The following ADAMTS18 variants were observed in gnomAD, a reference collection of about 807,000 sequenced individuals.
ADAMTS18 encodes the protein A disintegrin and metalloproteinase with thrombospondin motifs 18.
In ADAMTS18, 157 loss-of-function variants were observed where a neutral mutation model predicts 165.9. That is an observed-to-expected ratio of 0.95 (90% CI 0.83 to 1.08). ADAMTS18 has a LOEUF of 1.08. ADAMTS18 is among the 50% of genes least tolerant of loss of function. ADAMTS18 has a pLI of 0.00. For missense variants in ADAMTS18, 2,040 were observed against 1,534.0 expected, an observed-to-expected ratio of 1.33 and a Z score of -5.51; for synonymous variants, 782 against 578.2, an observed-to-expected ratio of 1.35 and a Z score of -5.06.
intron 16 of ADAMTS18, among the ~76,000 whole-genome samples, chr16:77,307,905 A>G (rs2055709992): frequency 6.6e-6 from 1 of 152,270 alleles, no homozygotes; most frequent in South Asian, 2.1e-4. Flanking sequence ...TCACACTGTC[A>G]TCTCATTGAT....
intron 18 of ADAMTS18, among the ~76,000 whole-genome samples, chr16:77,295,653 G>C (rs991221262): frequency 3.3e-5 from 5 of 152,102 alleles, no homozygotes; most frequent in African/African-American, 1.2e-4. Flanking sequence ...CAGGAGAGAG[G>C]GGTACATTTA....
intron 7 of ADAMTS18, among the ~76,000 whole-genome samples, chr16:77,361,641 T>G (rs2056714773): frequency 6.6e-6 from 1 of 152,214 alleles, no homozygotes; most frequent in African/African-American, 2.4e-5. Context: ...CCCAGGACTT[T>G]GGGAGACCAA....
rs145895194 is a variant in ADAMTS18 at position 77,351,367 on chromosome 16, G to C, written c.1614+2366C>G. ...CTCTGCTTCCCATGAAAGACCATCA[G>C]AATGAGAAGCTGTCTTTTAAAAATA... is the stretch of plus-strand genomic sequence containing the variant. On this transcript the variant is annotated intron_variant, in intron 10 of 22. Coordinates refer to ENST00000282849, the MANE Select transcript of ADAMTS18 (RefSeq NM_199355.4). Among the ~76,000 whole-genome samples, 246 of 152,234 alleles carry C rather than the reference G, an allele frequency of 1.6e-3. 1 individual carries two copies. The highest frequency in any genetic ancestry group is 5.5e-3 in the African/African-American group (230 of 41,540).
intron 7 of ADAMTS18, among the ~76,000 whole-genome samples, chr16:77,361,681 C>T (rs1049983709): frequency 7.9e-5 from 12 of 152,212 alleles, no homozygotes; most frequent in African/African-American, 2.6e-4. Flanking sequence ...GTCAGGAGTT[C>T]GAGACCAGCC....
rs116204871 is a variant in ADAMTS18, at chr16:77,293,846, G to A, written c.3007-588C>T. Among the ~76,000 whole-genome samples, 1,435 of 151,042 alleles carry A rather than the reference G, an allele frequency of 9.5e-3. 22 individuals are homozygous for A. Among genetic ancestry groups the A allele is most frequent in the African/African-American group, 0.033 (1,340 of 41,068 alleles). ...CGCTGCCACTGATTTGACAGGAGGTGGAGTTTAGTCTGTGATGCTGGCCTG... is the reference window on the plus strand; with the variant it reads ...CGCTGCCACTGATTTGACAGGAGGTAGAGTTTAGTCTGTGATGCTGGCCTG... On this transcript the variant is annotated intron_variant, in intron 19 of 22. Coordinates refer to ENST00000282849, the MANE Select transcript of ADAMTS18 (RefSeq NM_199355.4).
chr16:77,327,431 G>A (rs1567485372), intron 12 of ADAMTS18, among the ~76,000 whole-genome samples: 1 of 152,092 alleles, frequency 6.6e-6, no homozygotes. Flanking sequence ...AACATACAAT[G>A]TTTGGTTTTC....
Position 77,293,256 on chromosome 16 carries a change from A to G in ADAMTS18, c.3009T>C (p.Cys1003=). 6.2e-7 allele frequency: 1 copy of G among 1,613,706 alleles called. No homozygotes were observed. Among genetic ancestry groups the G allele is most frequent in the Non-Finnish European group, 8.5e-7 (1 of 1,179,892 alleles). The change falls in exon 20 of 23, where the codon TGT becomes TGC. Residue 1003 remains cysteine (C), a splice_region_variant and synonymous_variant. Transcript: ENST00000282849. ...TCACCCCTCGTCCACAGGTCTTGGA[A>G]CACTTGAGAAGACAAAAAAGTTCTA... ...PQWSLGPWSQ[C]SKTCGRGVRK... is the part of the protein sequence containing the mutation.
rs2057742288 is a variant in ADAMTS18 at position 77,431,629 on chromosome 16, C to T, written c.179-18G>A. The stretch of plus-strand genomic sequence containing the variant: ...GACGTAATCTGCAATGGGAAAAGTT[C>T]AGCTGTCAGCACCCAGAGCCCACAA... On this transcript the variant is annotated intron_variant, in intron 2 of 22. Transcript: ENST00000282849. 1 of 1,612,494 alleles carries T rather than the reference C, an allele frequency of 6.2e-7. No homozygotes were observed. The highest frequency in any genetic ancestry group is 1.7e-5 in the Admixed American group (1 of 59,998).
At chr16:77,362,792 T>C (rs1236271247) in intron 6 of ADAMTS18, among the ~76,000 whole-genome samples, 1 of 152,210 alleles carries the variant, frequency 6.6e-6, no homozygotes, top group African/African-American at 2.4e-5. Context: ...GTCAAATGTT[T>C]GCTTGGTCAA....
intron 3 of ADAMTS18, among the ~76,000 whole-genome samples, chr16:77,425,698 C>T (rs565226969): frequency 3.3e-5 from 5 of 152,258 alleles, no homozygotes; most frequent in South Asian, 2.1e-4. Flanking sequence ...GCTCTTTTAG[C>T]GTGAACCGCA....
chr16:77,434,609 G>A lies in ADAMTS18; in HGVS notation c.87C>T (p.Ala29=), dbSNP rs1013878919. ...PRGLAGLGRV[A]KALQLCCLCC... ...AGCTCCGCTCGGCGGCACCTGCCTT[G>A]GCCACGCGCCCCAGTCCCGCCAGGC... Residue 29 remains alanine (A), a synonymous_variant, in exon 1 of 23, where the codon GCC becomes GCT. Coordinates refer to ENST00000282849, the MANE Select transcript of ADAMTS18 (RefSeq NM_199355.4). The A allele has an allele frequency of 1.3e-6, 2 of 1,523,372 alleles. No individual in the cohort carries two copies. Among genetic ancestry groups the A allele is most frequent in the African/African-American group, 1.4e-5 (1 of 71,554 alleles). 94.4% of individuals were successfully genotyped at this position (1,523,372 alleles called of 1,614,324 possible). A position where few individuals can be genotyped will look rare whatever the true frequency, so the allele number is the denominator to read the frequency against.
Position 77,298,163 on chromosome 16 carries a change from G to A in ADAMTS18, c.2675-748C>T, listed in dbSNP as rs545958713. ...GAACTCCTGACCTCAGTGATTCACC[G>A]GCCTCAGCCCCCAAAGTGCTGGTAT... is the stretch of plus-strand genomic sequence containing the variant. On this transcript the variant is annotated intron_variant, in intron 17 of 22. Transcript: ENST00000282849. Among the ~76,000 whole-genome samples the A allele has an allele frequency of 6.8e-4, 103 of 151,782 alleles. No individual in the cohort carries two copies. The East Asian group carries it at 0.012, about 18-fold the overall frequency.
chr16:77,382,887 C>G (rs1327290083), intron 3 of ADAMTS18, among the ~76,000 whole-genome samples: 2 of 152,174 alleles, frequency 1.3e-5, no homozygotes, highest in Non-Finnish European at 2.9e-5. Context: ...ACGTCAGCAT[C>G]CTTGGAAAGC....
chr16:77,347,145 G>C (rs1567502229), intron 10 of ADAMTS18, among the ~76,000 whole-genome samples: 1 of 152,152 alleles, frequency 6.6e-6, no homozygotes. Context: ...TTGATGAATG[G>C]AGTTCCATTG....
intron 3 of ADAMTS18, among the ~76,000 whole-genome samples, chr16:77,394,322 T>C (rs544773859): frequency 6.6e-5 from 10 of 152,358 alleles, no homozygotes; most frequent in Admixed American, 2.0e-4. Context: ...TAATTTCTGG[T>C]TACTAGCTAG....
intron 3 of ADAMTS18, among the ~76,000 whole-genome samples, chr16:77,374,252 C>T (rs2056918651): frequency 6.6e-6 from 1 of 151,942 alleles, no homozygotes; most frequent in South Asian, 2.1e-4. Flanking sequence ...TCTTCATCCC[C>T]AGACTTTTTT....
At position 77,283,739 on chromosome 16, in the gene ADAMTS18, G is replaced by T. The variant is rs1288799455; in HGVS notation, c.*217C>A. 1.1e-5 allele frequency: 6 copies of T among 546,354 alleles called. No individual in the cohort carries two copies. The highest frequency in any genetic ancestry group is 7.6e-5 in the African/African-American group (4 of 52,464). 33.8% of individuals were successfully genotyped at this position (546,354 alleles called of 1,614,324 possible). On this transcript the variant is annotated 3_prime_UTR_variant, in exon 23 of 23. Coordinates refer to ENST00000282849, the MANE Select transcript of ADAMTS18 (RefSeq NM_199355.4). The stretch of plus-strand genomic sequence containing the variant: ...TTTTTTTAAAGTCAGATTTGTCATC[G>T]CTTCCCATTTTCAAGTGCTTCAGAG...
At chr16:77,338,528 C>T (rs1307413218) in intron 11 of ADAMTS18, among the ~76,000 whole-genome samples, 2 of 152,030 alleles carry the variant, frequency 1.3e-5, no homozygotes, top group Admixed American at 1.3e-4. Flanking sequence ...TGAGCCACCA[C>T]GTCCAGGCCC....
chr16:77,431,850 A>G (rs2057744449), intron 2 of ADAMTS18: 2 of 567,190 alleles, frequency 3.5e-6, no homozygotes, highest in Non-Finnish European at 6.3e-6. Context: ...GATGAATTTC[A>G]TGGATGTCTG....
Sources: allele counts gnomAD v4.1 joint callset (sites outside exome capture counted in the v4.1 genomes callset), GRCh38; gene constraint gnomAD v4.1.1; transcripts MANE v1.5; gene names NCBI Gene and HGNC (gene_info 2026-07-23, HGNC 2026-07-21).